Variants in TXNDC8 observed in about 807,000 individuals in gnomAD.
TXNDC8 encodes thioredoxin domain containing 8.
TXNDC8 carries 15 observed loss-of-function variants against 12.9 expected under a neutral mutation model. The ratio of observed to expected loss-of-function variants is 1.16; its 90% CI spans 0.78 to 1.79. TXNDC8 has a LOEUF of 1.79. Among genes scored for constraint, TXNDC8 ranks in the 40% most tolerant of loss-of-function variants. The pLI, the probability that TXNDC8 is intolerant of heterozygous loss-of-function variation, is 0.00. For synonymous variants in TXNDC8, 40 were observed against 35.4 expected, an observed-to-expected ratio of 1.13 and a Z score of -0.46; for missense variants, 128 against 113.2, an observed-to-expected ratio of 1.13 and a Z score of -0.59.
In TXNDC8 at chr9:110,319,689, C is replaced by T. The variant is rs533997004; in HGVS notation, c.195+6486G>A. Among the ~76,000 whole-genome samples the T allele has an allele frequency of 1.1e-4, 17 of 152,302 alleles. No homozygotes were observed. In the South Asian group the frequency reaches 2.9e-3, roughly 26 times the overall value. ...AAGTTGAACAGAGAGAAGTTGGGAA[C>T]GTGATTCTCCAGGCACCAACATCTT... On this transcript the variant is annotated intron_variant, in intron 3 of 4. Transcript: ENST00000423740.
intron 3 of TXNDC8, among the ~76,000 whole-genome samples, chr9:110,322,274 G>A (rs1018723688): frequency 6.6e-6 from 1 of 151,922 alleles, no homozygotes; most frequent in African/African-American, 2.4e-5. Flanking sequence ...TGAGATATGA[G>A]TATCCACATT....
chr9:110,323,425 G>T, intron 3 of TXNDC8: 1 of 811,198 alleles, frequency 1.2e-6, no homozygotes, highest in African/African-American at 1.9e-5. Flanking sequence ...AAGGAATCAA[G>T]AATTGAGAAA....
At chr9:110,305,546 TTTTC>T (rs201277248) in intron 3 of TXNDC8, among the ~76,000 whole-genome samples, 25,295 of 114,844 alleles carry the variant, frequency 0.22, 2,696 homozygotes, top group Admixed American at 0.24. Flanking sequence ...TGTATTTTCT[TTTTC>T]TTTCTTTCTT....
At chr9:110,319,213 G>A (rs905093155) in intron 3 of TXNDC8, among the ~76,000 whole-genome samples, 1 of 152,188 alleles carries the variant, frequency 6.6e-6, no homozygotes, top group African/African-American at 2.4e-5. Context: ...ATCTCTGTGT[G>A]TAACACAATC....
At chr9:110,305,972 T>C (rs10980315) in intron 3 of TXNDC8, among the ~76,000 whole-genome samples, 22,012 of 151,750 alleles carry the variant, frequency 0.15, 2,044 homozygotes, top group East Asian at 0.44. Flanking sequence ...CTCACTGCAA[T>C]CTCTGCCTCC....
intron 2 of TXNDC8, among the ~76,000 whole-genome samples, chr9:110,330,322 T>C (rs1212778265): frequency 6.6e-6 from 1 of 152,244 alleles, no homozygotes; most frequent in Non-Finnish European, 1.5e-5. Flanking sequence ...CTTTCCAATC[T>C]ATTCTTGTGC....
intron 3 of TXNDC8, among the ~76,000 whole-genome samples, chr9:110,311,764 A>G (rs1486144104): frequency 3.5e-5 from 5 of 143,346 alleles, no homozygotes; most frequent in Non-Finnish European, 6.0e-5. Context: ...TATACTATGT[A>G]CTATATATAT....
At chr9:110,328,887 G>C (rs1473964075) in intron 2 of TXNDC8, among the ~76,000 whole-genome samples, 4 of 152,198 alleles carry the variant, frequency 2.6e-5, no homozygotes, top group African/African-American at 9.7e-5. Flanking sequence ...AACTTTAACA[G>C]ATTTCTATTG....
intron 1 of TXNDC8, among the ~76,000 whole-genome samples, 188 bp downstream of exon 1, chr9:110,337,585 C>T (rs1839806809): frequency 6.6e-6 from 1 of 152,126 alleles, no homozygotes; most frequent in African/African-American, 2.4e-5. Context: ...TCAATTTGAC[C>T]CTTGGCTGCT....
At chr9:110,317,053 T>A (rs1838909792) in intron 3 of TXNDC8, among the ~76,000 whole-genome samples, 1 of 152,226 alleles carries the variant, frequency 6.6e-6, no homozygotes, top group Non-Finnish European at 1.5e-5. Flanking sequence ...TTCATGCAAC[T>A]GCCTAAGAGC....
chr9:110,311,521 G>GGTATATA (rs1491185921), intron 3 of TXNDC8, among the ~76,000 whole-genome samples: 41 of 41,242 alleles, frequency 9.9e-4, no homozygotes, highest in African/African-American at 2.4e-3. Flanking sequence ...AAATAAAGAG[G>GGTATATA]TATATATATA....
chr9:110,303,744 CATA>C, intron 4 of TXNDC8, 161 bp from the exon 6 acceptor site: 1 of 1,507,996 alleles, frequency 6.6e-7, no homozygotes, highest in Non-Finnish European at 8.9e-7. Flanking sequence ...ACATTAAATT[CATA>C]ATATTTTCAT....
At chr9:110,317,450 G>C (rs956477095) in intron 3 of TXNDC8, among the ~76,000 whole-genome samples, 3 of 152,202 alleles carry the variant, frequency 2.0e-5, no homozygotes, top group Admixed American at 6.5e-5. Flanking sequence ...GGGATGCTCT[G>C]CTCAAGGGAC....
chr9:110,305,822 CTTTCCTTTCT>C (rs1838446201), intron 3 of TXNDC8, among the ~76,000 whole-genome samples: 3 of 108,870 alleles, frequency 2.8e-5, no homozygotes, highest in South Asian at 2.8e-4. Flanking sequence ...CTTTCCTTTC[CTTTCCTTTCT>C]TTTCCTTTCT....
At chr9:110,311,525 A>G (rs1349200339) in intron 3 of TXNDC8, among the ~76,000 whole-genome samples, 26 of 100,840 alleles carry the variant, frequency 2.6e-4, no homozygotes, top group African/African-American at 1.2e-3. Flanking sequence ...AAAGAGGTAT[A>G]TATATATATA....
rs765961435 is a variant in TXNDC8 at position 110,329,211 on chromosome 9, C to A, written c.130-2971G>T. Reference sequence around the variant, plus strand: ...TGCCTTTGGATTTTGAGTATGTGCACAGAAGATTTAAGATTCTTACCGGAG... The same window carrying A: ...TGCCTTTGGATTTTGAGTATGTGCAAAGAAGATTTAAGATTCTTACCGGAG... On this transcript the variant is annotated intron_variant, in intron 2 of 4. Coordinates refer to ENST00000423740, the MANE Select transcript of TXNDC8 (RefSeq NM_001286946.2). 49 of 1,607,786 alleles carry A rather than the reference C, an allele frequency of 3.0e-5. No individual in the cohort carries two copies. The South Asian group carries it at 5.0e-4, about 16-fold the overall frequency.
At chr9:110,337,556 G>A (rs966501527) in intron 1 of TXNDC8, among the ~76,000 whole-genome samples, 1 of 152,176 alleles carries the variant, frequency 6.6e-6, no homozygotes, top group Non-Finnish European at 1.5e-5. Context: ...AAGTCCAGGA[G>A]GAAGAAAGCC....
chr9:110,335,744 T>C (rs975963707), intron 1 of TXNDC8, among the ~76,000 whole-genome samples: 8 of 152,212 alleles, frequency 5.3e-5, no homozygotes, highest in African/African-American at 1.9e-4. Flanking sequence ...CTCCCTTTCA[T>C]TGGCCCTAAT....
At chr9:110,329,282 C>G in intron 2 of TXNDC8, 1 of 1,607,472 alleles carries the variant, frequency 6.2e-7, no homozygotes, top group Non-Finnish European at 8.5e-7. Context: ...TGGTATTTCA[C>G]AGACATAGCC....
Sources: allele counts gnomAD v4.1 joint callset (sites outside exome capture counted in the v4.1 genomes callset), GRCh38; gene constraint gnomAD v4.1.1; transcripts MANE v1.5; gene names NCBI Gene and HGNC (gene_info 2026-07-23, HGNC 2026-07-21).